Variants in ZNF805 observed in about 807,000 individuals in gnomAD.
The protein encoded by ZNF805 is CTC-444N24.8.
A neutral mutation model predicts 13.6 loss-of-function variants in ZNF805; 7 were observed. The ratio of observed to expected loss-of-function variants is 0.51; its 90% CI spans 0.29 to 0.97. The LOEUF (loss-of-function observed/expected upper bound fraction) is 0.97, where lower values mean the gene tolerates loss of function less well. Ranked by LOEUF, ZNF805 falls within the 50% of genes least tolerant of loss-of-function variation. The pLI is 0.08. For missense variants in ZNF805, 604 were observed against 771.0 expected, an observed-to-expected ratio of 0.78 and a Z score of 2.57; for synonymous variants, 293 against 279.8, an observed-to-expected ratio of 1.05 and a Z score of -0.47.
At position 57,240,777 on chromosome 19, in the gene ZNF805, A is replaced by G. The variant is rs1297094369; in HGVS notation, c.-115A>G. 6 of 990,476 alleles carry G rather than the reference A, an allele frequency of 6.1e-6. No individual in the cohort carries two copies. The highest frequency in any genetic ancestry group is 1.7e-5 in the African/African-American group (1 of 59,838). 61.4% of individuals were successfully genotyped at this position (990,476 alleles called of 1,614,324 possible). On this transcript the variant is annotated 5_prime_UTR_variant, in exon 1 of 4. Transcript: ENST00000414468. Reference sequence around the variant, plus strand: ...AGCCTCCCCGTAACGAGAGAGTTTGACTGTCAGCCAAGGTCACCGGGCCCG... The same window carrying G: ...AGCCTCCCCGTAACGAGAGAGTTTGGCTGTCAGCCAAGGTCACCGGGCCCG...
At chr19:57,252,056 G>A (rs181345453) in intron 3 of ZNF805, among the ~76,000 whole-genome samples, 47 of 152,238 alleles carry the variant, frequency 3.1e-4, no homozygotes, top group African/African-American at 1.1e-3. Context: ...TCAGAATCTT[G>A]GGAATCAGTC....
Position 57,248,533 on chromosome 19 carries a change from C to T in ZNF805, c.158-72C>T, listed in dbSNP as rs569941668. 4 of 1,349,836 alleles carry T rather than the reference C, an allele frequency of 3.0e-6. No individual in the cohort carries two copies. In the African/African-American group the frequency reaches 5.8e-5, roughly 19 times the overall value. The allele number at this position is 1,349,836 out of a possible 1,614,324, so 83.6% of individuals were successfully genotyped here. On this transcript the variant is annotated intron_variant, in intron 2 of 3. Coordinates refer to ENST00000414468, the MANE Select transcript of ZNF805 (RefSeq NM_001023563.4). Reference sequence around the variant, plus strand: ...CAAGGTCTGGTCCCCATCCTGAAGTCCCAGACTAGATTGAAGGTCTTTATT... The same window carrying T: ...CAAGGTCTGGTCCCCATCCTGAAGTTCCAGACTAGATTGAAGGTCTTTATT...
chr19:57,241,665 C>T (rs1473230852), intron 1 of ZNF805, among the ~76,000 whole-genome samples: 1 of 91,938 alleles, frequency 1.1e-5, no homozygotes, highest in Non-Finnish European at 2.6e-5. Context: ...GGCTGACCAC[C>T]TCTGTCCTTG....
chr19:57,258,250 A>G lies in ZNF805; in HGVS notation c.*3547A>G, dbSNP rs893231416. 6.6e-6 allele frequency among the ~76,000 whole-genome samples: 1 copy of G among 150,792 alleles called. No individual in the cohort carries two copies. Among genetic ancestry groups the G allele is most frequent in the Admixed American group, 6.6e-5 (1 of 15,188 alleles). The stretch of plus-strand genomic sequence containing the variant: ...ACTCCTGACCTCAGGTGATCTGCCC[A>G]CCTCAGCCTCCCAAAGTGCTGGGAT... On this transcript the variant is annotated 3_prime_UTR_variant, in exon 4 of 4. Coordinates refer to ENST00000414468, the MANE Select transcript of ZNF805 (RefSeq NM_001023563.4).
chr19:57,259,097 G>A lies in ZNF805; in HGVS notation c.*4394G>A, dbSNP rs1200020792. Among the ~76,000 whole-genome samples the A allele has an allele frequency of 6.6e-6, 1 of 151,930 alleles. No individual in the cohort carries two copies. The highest frequency in any genetic ancestry group is 1.5e-5 in the Non-Finnish European group (1 of 67,974). Reference sequence around the variant, plus strand: ...GCGTTCAAAGTGTTTTGTTTTTTTTGTAGTGTTCAGAAGTTTGGTTATGAG... The same window carrying A: ...GCGTTCAAAGTGTTTTGTTTTTTTTATAGTGTTCAGAAGTTTGGTTATGAG... On this transcript the variant is annotated 3_prime_UTR_variant, in exon 4 of 4. Coordinates refer to ENST00000414468, the MANE Select transcript of ZNF805 (RefSeq NM_001023563.4).
At chr19:57,246,614 A>G (rs2087620139) in intron 2 of ZNF805, among the ~76,000 whole-genome samples, 1 of 151,960 alleles carries the variant, frequency 6.6e-6, no homozygotes, top group African/African-American at 2.4e-5. Flanking sequence ...CGTCTGTACT[A>G]AATATACAAA....
chr19:57,244,999 G>A (rs1182532412), intron 2 of ZNF805, among the ~76,000 whole-genome samples: 12 of 152,058 alleles, frequency 7.9e-5, no homozygotes, highest in Admixed American at 7.2e-4. Flanking sequence ...GGGCCTGGTT[G>A]CTCATGTATC....
At chr19:57,248,761 C>T in intron 3 of ZNF805, 61 bp downstream of exon 3, 2 of 1,414,416 alleles carry the variant, frequency 1.4e-6, no homozygotes, top group South Asian at 2.5e-5. Context: ...GAGGAGACCA[C>T]TGGCCCTGGG....
intron 2 of ZNF805, among the ~76,000 whole-genome samples, chr19:57,247,660 G>A (rs562098546): frequency 3.1e-4 from 47 of 152,282 alleles, no homozygotes; most frequent in African/African-American, 1.1e-3. Context: ...TATTACCGTC[G>A]TCCTCATCAT....
At chr19:57,249,035 C>G (rs969993515) in intron 3 of ZNF805, among the ~76,000 whole-genome samples, 1 of 152,146 alleles carries the variant, frequency 6.6e-6, no homozygotes, top group Non-Finnish European at 1.5e-5. Context: ...CCAACAAACT[C>G]CAAAATTTAA....
At chr19:57,252,562 C>G (rs2087658196) in intron 3 of ZNF805, among the ~76,000 whole-genome samples, 1 of 152,192 alleles carries the variant, frequency 6.6e-6, no homozygotes, top group Non-Finnish European at 1.5e-5. Context: ...ACCCAGGAAA[C>G]TCACTGGAGC....
chr19:57,244,453 C>A (rs1041242145), intron 2 of ZNF805, among the ~76,000 whole-genome samples: 1 of 151,802 alleles, frequency 6.6e-6, no homozygotes, highest in East Asian at 1.9e-4. Flanking sequence ...TCAGGTGATC[C>A]GCCCGCCTCG....
At position 57,261,573 on chromosome 19, in the gene ZNF805, TTTA is replaced by T. The variant is rs1407874480; in HGVS notation, c.*6879_*6881del. On this transcript the variant is annotated 3_prime_UTR_variant, in exon 4 of 4. Coordinates refer to ENST00000414468, the MANE Select transcript of ZNF805 (RefSeq NM_001023563.4). ...AATGGCCATACACAGCAGGGTATTT[TTTA>T]TTATTATTTTCAGTTCCCTCAGCGC... 1.8e-5 allele frequency: 3 copies of T among 167,070 alleles called. No homozygotes were observed. The highest frequency in any genetic ancestry group is 1.9e-4 in the East Asian group (1 of 5,204). The allele number at this position is 167,070 out of a possible 1,614,324, so 10.3% of individuals were successfully genotyped here. A position where few individuals can be genotyped will look rare whatever the true frequency, so the allele number is the denominator to read the frequency against.
chr19:57,261,008 T>G lies in ZNF805; in HGVS notation c.*6305T>G, dbSNP rs562589251. On this transcript the variant is annotated 3_prime_UTR_variant, in exon 4 of 4. Coordinates refer to ENST00000414468, the MANE Select transcript of ZNF805 (RefSeq NM_001023563.4). The stretch of plus-strand genomic sequence containing the variant: ...TTAGAAAACTGAGGTACAGAAAGAT[T>G]AAGGAATTTGTCAAAGATTTCACAA... 6.6e-6 allele frequency among the ~76,000 whole-genome samples: 1 copy of G among 152,322 alleles called. No individual in the cohort carries two copies. Among genetic ancestry groups the G allele is most frequent in the South Asian group, 2.1e-4 (1 of 4,828 alleles).
At chr19:57,245,589 C>T (rs929513879) in intron 2 of ZNF805, among the ~76,000 whole-genome samples, 19 of 149,048 alleles carry the variant, frequency 1.3e-4, no homozygotes, top group Admixed American at 2.7e-4. Context: ...ACCATCCTGG[C>T]TAACACGGTG....
chr19:57,253,242 A>G lies in ZNF805; in HGVS notation c.423A>G (p.Pro141=). ...FSEMQGERLR[P]GLDSQKEKLP... is the part of the protein sequence containing the mutation. ...AAATGCAGGGAGAACGCTTGAGACCAGGGTTAGATTCCCAAAAGGAGAAGC... is the reference window on the plus strand; with the variant it reads ...AAATGCAGGGAGAACGCTTGAGACCGGGGTTAGATTCCCAAAAGGAGAAGC... Residue 141 remains proline, a synonymous_variant, in exon 4 of 4, where the codon CCA becomes CCG. Coordinates refer to ENST00000414468, the MANE Select transcript of ZNF805 (RefSeq NM_001023563.4). The surrounding 1 kb of genome is among the most constrained non-coding windows in gnomAD (Gnocchi z 4.4). 6.4e-7 allele frequency: 1 copy of G among 1,556,718 alleles called. No individual in the cohort carries two copies. The highest frequency in any genetic ancestry group is 8.7e-7 in the Non-Finnish European group (1 of 1,150,354).
At chr19:57,246,218 G>A (rs563416416) in intron 2 of ZNF805, among the ~76,000 whole-genome samples, 38 of 152,146 alleles carry the variant, frequency 2.5e-4, no homozygotes, top group Non-Finnish European at 5.9e-5. Context: ...CTGTTGCCTC[G>A]GCTGGAGTGC....
At position 57,254,526 on chromosome 19, in the gene ZNF805, A is replaced by G. The variant is rs752020743; in HGVS notation, c.1707A>G (p.Val569=). Residue 569 remains valine (V), a synonymous_variant, in exon 4 of 4, where the codon GTA becomes GTG. Transcript: ENST00000414468. ...ATACTGGGAGAAATCCTATCAGTGT[A>G]ACAGATGTGGGAAGACCTTTTACAA... ...RMHTGRNPIS[V]TDVGRPFTSG... The G allele has an allele frequency of 1.9e-6, 3 of 1,614,138 alleles. No homozygotes were observed. The East Asian group carries it at 6.7e-5, about 36-fold the overall frequency.
At chr19:57,249,977 A>G (rs1174737886) in intron 3 of ZNF805, among the ~76,000 whole-genome samples, 2 of 151,922 alleles carry the variant, frequency 1.3e-5, no homozygotes, top group Non-Finnish European at 2.9e-5. Context: ...CCACATCTGC[A>G]CTTGAAAATC....
Sources: gnomAD v4.1 joint callset for allele counts (sites outside exome capture counted in the v4.1 genomes callset) on GRCh38, gnomAD v4.1.1 for gene constraint, Gnocchi (gnomAD v3.1) non-coding constraint, MANE v1.5 for transcripts, NCBI Gene and HGNC (gene_info 2026-07-23, HGNC 2026-07-21) for gene names.